The following TNFSF4 variants were observed in gnomAD, a reference collection of about 807,000 sequenced individuals.
The protein encoded by TNFSF4 is TNF superfamily member 4.
TNFSF4 carries 4 observed loss-of-function variants against 7.3 expected under a neutral mutation model. The ratio of observed to expected loss-of-function variants is 0.55; its 90% CI spans 0.27 to 1.25. The LOEUF is 1.25. Ranked by LOEUF, TNFSF4 falls within the 50% of genes most tolerant of loss-of-function variation. The probability of loss-of-function intolerance (pLI) is 0.12; values close to 1 mark genes in which losing one functional copy is unlikely to be tolerated. For missense variants in TNFSF4, 181 were observed against 208.8 expected, an observed-to-expected ratio of 0.87 and a Z score of 0.82; for synonymous variants, 76 against 83.7, an observed-to-expected ratio of 0.91 and a Z score of 0.50.
At chr1:173,426,835 C>T in the TNFSF4 span, among the ~76,000 whole-genome samples, 8 of 152,102 alleles carry the variant, frequency 5.3e-5, no homozygotes, top group Non-Finnish European at 1.5e-5. Flanking sequence ...CTCAAATGAT[C>T]CTCCTGCATC....
chr1:173,447,065 G>C, the TNFSF4 span, among the ~76,000 whole-genome samples: 1 of 152,166 alleles, frequency 6.6e-6, no homozygotes, highest in Non-Finnish European at 1.5e-5. Flanking sequence ...TAAAAGGAAT[G>C]AGCTATCAAG....
At chr1:173,423,801 CATCTGTTTATGCCACTGTAACAAA>C in the TNFSF4 span, among the ~76,000 whole-genome samples, 3 of 152,192 alleles carry the variant, frequency 2.0e-5, no homozygotes, top group East Asian at 5.8e-4. Flanking sequence ...AGAGTGTCTT[CATCTGTTTATGCCACTGTAACAAA>C]ATACCTGAGA....
chr1:173,390,735 T>C, the TNFSF4 span, among the ~76,000 whole-genome samples: 16 of 65,458 alleles, frequency 2.4e-4, no homozygotes, highest in South Asian at 1.7e-3. Context: ...AACATTCTGC[T>C]TCTTTTTTTT....
At chr1:173,213,275 T>A in the TNFSF4 span, among the ~76,000 whole-genome samples, 1 of 152,182 alleles carries the variant, frequency 6.6e-6, no homozygotes, top group East Asian at 1.9e-4. Flanking sequence ...ATTTTCCCTT[T>A]CATTCTTCAT....
the TNFSF4 span, among the ~76,000 whole-genome samples, chr1:173,395,377 A>AATAT: frequency 0.13 from 8,055 of 61,838 alleles, 841 homozygotes; most frequent in East Asian, 0.22. Flanking sequence ...CTGTGTATAT[A>AATAT]ATATATATAT....
chr1:173,216,102 C>T, the TNFSF4 span, among the ~76,000 whole-genome samples: 3 of 152,198 alleles, frequency 2.0e-5, no homozygotes, highest in South Asian at 6.2e-4. Context: ...GAAGACTAAG[C>T]GCAGATCCCT....
chr1:173,222,039 A>G, the TNFSF4 span, among the ~76,000 whole-genome samples: 1 of 152,222 alleles, frequency 6.6e-6, no homozygotes, highest in Admixed American at 6.5e-5. Flanking sequence ...AATATTAGCT[A>G]TTCTTATAGT....
the TNFSF4 span, among the ~76,000 whole-genome samples, chr1:173,178,443 T>A: frequency 6.6e-6 from 1 of 151,840 alleles, no homozygotes; most frequent in East Asian, 1.9e-4. Context: ...GCGTGGTAGC[T>A]GGCGCCTGTA....
chr1:173,448,082 A>G, the TNFSF4 span, among the ~76,000 whole-genome samples: 585 of 152,314 alleles, frequency 3.8e-3, 5 homozygotes, highest in Non-Finnish European at 6.2e-3. Flanking sequence ...AAACATAACA[A>G]TCTTAAATGT....
chr1:173,299,690 G>A, the TNFSF4 span, among the ~76,000 whole-genome samples: 1 of 151,864 alleles, frequency 6.6e-6, no homozygotes, highest in Non-Finnish European at 1.5e-5. Context: ...TATATGGGAT[G>A]ATGCATAAGA....
At chr1:173,234,775 C>A in the TNFSF4 span, among the ~76,000 whole-genome samples, 1 of 152,078 alleles carries the variant, frequency 6.6e-6, no homozygotes, top group Non-Finnish European at 1.5e-5. Flanking sequence ...AGGGGAACAT[C>A]ACACACCGGG....
chr1:173,327,467 C>A, the TNFSF4 span, among the ~76,000 whole-genome samples: 136 of 138,890 alleles, frequency 9.8e-4, no homozygotes, highest in African/African-American at 2.0e-3. Context: ...TCTAAAACAC[C>A]AAAAGCAATG....
chr1:173,194,146 A>G (rs1298042162), intron 1 of TNFSF4, among the ~76,000 whole-genome samples: 2 of 152,254 alleles, frequency 1.3e-5, no homozygotes, highest in Non-Finnish European at 1.5e-5. Flanking sequence ...TGCAAAAAGC[A>G]TGCCTGTCCA....
the TNFSF4 span, among the ~76,000 whole-genome samples, chr1:173,178,644 T>C: frequency 0.43 from 65,170 of 152,074 alleles, 17,044 homozygotes; most frequent in African/African-American, 0.74. Flanking sequence ...ATTCTTGGCT[T>C]CTATTTTCTT....
At chr1:173,376,907 C>T in the TNFSF4 span, among the ~76,000 whole-genome samples, 1 of 152,068 alleles carries the variant, frequency 6.6e-6, no homozygotes, top group African/African-American at 2.4e-5. Context: ...AGTGAGACCA[C>T]AAACCCAGAG....
chr1:173,186,226 G>A lies in TNFSF4; in HGVS notation c.*290C>T, dbSNP rs371639524. 2.1e-4 allele frequency: 65 copies of A among 307,848 alleles called. No homozygotes were observed. The Middle Eastern group carries it at 2.8e-3, about 13-fold the overall frequency. 19.1% of individuals were successfully genotyped at this position (307,848 alleles called of 1,614,324 possible). On this transcript the variant is annotated 3_prime_UTR_variant, in exon 3 of 3. Transcript: ENST00000281834. ...TAGAAACAATGCATCTTGAAGAAGA[G>A]GCATCTATTTTTTCTTTCTCACAAA...
chr1:173,227,371 C>T, the TNFSF4 span, among the ~76,000 whole-genome samples: 1 of 152,238 alleles, frequency 6.6e-6, no homozygotes, highest in Middle Eastern at 3.4e-3. Context: ...TTTCTTCTTG[C>T]ATCTCAGACT....
chr1:173,275,437 A>AAAGATAGTCTGGAACTAAAGCTGTCAT, the TNFSF4 span, among the ~76,000 whole-genome samples: 1 of 152,178 alleles, frequency 6.6e-6, no homozygotes. Context: ...ACATCCTGGA[A>AAAGATAGTCTGGAACTAAAGCTGTCAT]AAGATAGTCT....
At chr1:173,384,433 T>C in the TNFSF4 span, among the ~76,000 whole-genome samples, 1 of 152,198 alleles carries the variant, frequency 6.6e-6, no homozygotes, top group African/African-American at 2.4e-5. Context: ...GTACACAATA[T>C]TGTTCTCACC....
Sources: gnomAD v4.1 joint callset for allele counts (sites outside exome capture counted in the v4.1 genomes callset) on GRCh38, gnomAD v4.1.1 for gene constraint, MANE v1.5 for transcripts, NCBI Gene and HGNC (gene_info 2026-07-23, HGNC 2026-07-21) for gene names.